CUX1: variants seen among roughly 807,000 people sequenced by gnomAD.
CUX1 encodes cut like homeobox 1.
A neutral mutation model predicts 158.8 loss-of-function variants in CUX1; 31 were observed. That is an observed-to-expected ratio of 0.20 (90% CI 0.15 to 0.26). CUX1 has a LOEUF of 0.26. CUX1 is among the 10% of genes least tolerant of loss of function. CUX1 has a pLI of 1.00. For synonymous variants in CUX1, 879 were observed against 862.1 expected (o/e 1.02, Z -0.34); for missense variants, 1,589 against 2,014.6 (o/e 0.79, Z 4.04).
chr7:102,029,094 G>C (rs1156381161), intron 3 of CUX1, among the ~76,000 whole-genome samples: 1 of 148,800 alleles, frequency 6.7e-6, no homozygotes, highest in East Asian at 2.1e-4. Context: ...CCAGGTTCAA[G>C]TGATTCTCCT....
At chr7:102,276,601 A>C (rs1252870829) in intron 17 of CUX1, among the ~76,000 whole-genome samples, 1 of 152,162 alleles carries the variant, frequency 6.6e-6, no homozygotes, top group Non-Finnish European at 1.5e-5. Flanking sequence ...CGCGCTGGCC[A>C]CTGCTTGAAT....
chr7:102,183,607 GCCC>G (rs1259058101), intron 11 of CUX1, among the ~76,000 whole-genome samples: 1 of 152,150 alleles, frequency 6.6e-6, no homozygotes, highest in Non-Finnish European at 1.5e-5. Flanking sequence ...GGTGCATGCT[GCCC>G]AGGCCTGGAC....
intron 14 of CUX1, among the ~76,000 whole-genome samples, chr7:102,266,074 C>G (rs112851916): frequency 7.2e-5 from 11 of 151,892 alleles, no homozygotes; most frequent in Admixed American, 2.0e-4. Context: ...CGTGGTGGTT[C>G]ATGCTTGTAG....
intron 2 of CUX1, among the ~76,000 whole-genome samples, chr7:101,918,745 C>G (rs1259065554): frequency 1.3e-5 from 2 of 152,262 alleles, no homozygotes; most frequent in East Asian, 3.8e-4. Flanking sequence ...GTGCCAGCAG[C>G]CAGAGCTTCC....
intron 1 of CUX1, among the ~76,000 whole-genome samples, chr7:101,886,782 C>G (rs1352312844): frequency 6.6e-6 from 1 of 152,092 alleles, no homozygotes; most frequent in Non-Finnish European, 1.5e-5. Flanking sequence ...GGAGGCTGGG[C>G]ACGGCCACCT....
Position 102,250,987 on chromosome 7 carries a change from T to G in CUX1, c.*1945T>G, listed in dbSNP as rs1365212799. ...GTATATATATATATTTTTTTTTGCT[T>G]ATTTATAGGTGCTGTATTTTATTAT... On this transcript the variant is annotated 3_prime_UTR_variant, in exon 24 of 24. Coordinates refer to ENST00000292535, the MANE Select transcript of CUX1 (RefSeq NM_181552.4). The G allele has an allele frequency of 1.0e-6, 1 of 960,348 alleles. No homozygotes were observed. Among genetic ancestry groups the G allele is most frequent in the African/African-American group, 1.8e-5 (1 of 56,634 alleles). 59.5% of individuals were successfully genotyped at this position (960,348 alleles called of 1,614,324 possible).
chr7:102,014,845 A>G (rs1455025507), intron 2 of CUX1, among the ~76,000 whole-genome samples: 1 of 143,690 alleles, frequency 7.0e-6, no homozygotes, highest in Admixed American at 7.0e-5. Context: ...GCTCTGTAGT[A>G]TCCCCCAACC....
At chr7:102,218,402 G>T (rs1291484735) in intron 20 of CUX1, among the ~76,000 whole-genome samples, 6 of 152,196 alleles carry the variant, frequency 3.9e-5, no homozygotes, top group African/African-American at 1.4e-4. Flanking sequence ...TTTTCTTTGG[G>T]GCCAGATATG....
At chr7:101,951,478 T>G (rs1809047504) in intron 2 of CUX1, among the ~76,000 whole-genome samples, 1 of 152,064 alleles carries the variant, frequency 6.6e-6, no homozygotes, top group Admixed American at 6.6e-5. Flanking sequence ...CCCAGTACCC[T>G]TCAAAACTCA....
intron 1 of CUX1, among the ~76,000 whole-genome samples, chr7:101,833,256 G>GAA (rs1346779668): frequency 6.6e-6 from 1 of 150,480 alleles, no homozygotes; most frequent in Non-Finnish European, 1.5e-5. Flanking sequence ...AAAAAGAAAA[G>GAA]AAAAGAAATT....
intron 1 of CUX1, among the ~76,000 whole-genome samples, chr7:101,821,050 T>TGC (rs1792416353): frequency 6.6e-6 from 1 of 152,168 alleles, no homozygotes; most frequent in Non-Finnish European, 1.5e-5. Flanking sequence ...TGTGTGTGTG[T>TGC]GCCGATAATG....
chr7:101,932,448 C>G, intron 2 of CUX1: 1 of 395,934 alleles, frequency 2.5e-6, no homozygotes, highest in South Asian at 1.8e-5. Flanking sequence ...TTCTTTTGCA[C>G]TTTTGCATTT....
chr7:101,991,667 G>A (rs867211439), intron 2 of CUX1, among the ~76,000 whole-genome samples: 56 of 151,904 alleles, frequency 3.7e-4, no homozygotes, highest in Admixed American at 2.0e-3. Context: ...GCTGAGGCAG[G>A]AGAATCACTT....
intron 6 of CUX1, among the ~76,000 whole-genome samples, chr7:102,109,790 AAAAAAAG>A (rs1453908323): frequency 1.3e-5 from 2 of 151,092 alleles, no homozygotes; most frequent in African/African-American, 2.5e-5. Context: ...CTCCAAAAAA[AAAAAAAG>A]AAAAAAGAAA....
At chr7:101,863,494 G>A (rs1041091774) in intron 1 of CUX1, among the ~76,000 whole-genome samples, 1 of 152,066 alleles carries the variant, frequency 6.6e-6, no homozygotes, top group African/African-American at 2.4e-5. Context: ...GGGATTATAG[G>A]CATGTGCCAC....
At chr7:101,840,122 A>G (rs574299636) in intron 1 of CUX1, among the ~76,000 whole-genome samples, 5 of 152,356 alleles carry the variant, frequency 3.3e-5, no homozygotes, top group Non-Finnish European at 5.9e-5. Context: ...TATAGAGGAA[A>G]CAATTGGTTT....
intron 23 of CUX1, among the ~76,000 whole-genome samples, chr7:102,242,356 C>T (rs368058): frequency 0.5 from 76,378 of 151,602 alleles, 20,897 homozygotes; most frequent in East Asian, 0.92. Context: ...ATTATAGGCA[C>T]CCACCACCAT....
upstream of CUX1, chr7:101,817,016 A>G (rs1278477153): frequency 3.1e-6 from 3 of 983,428 alleles, no homozygotes; most frequent in South Asian, 9.4e-5. This position sits in a 1 kb window ranked among gnomAD's most constrained non-coding sequence, Gnocchi z 4.1. Context: ...GGTGACGCGG[A>G]CCTGTTCCTC....
At chr7:101,988,562 C>G (rs562891723) in intron 2 of CUX1, among the ~76,000 whole-genome samples, 1 of 152,268 alleles carries the variant, frequency 6.6e-6, no homozygotes, top group East Asian at 1.9e-4. Context: ...CCTGGGCTGC[C>G]TTTCCACCTC....
Sources: gnomAD v4.1 joint callset for allele counts (sites outside exome capture counted in the v4.1 genomes callset) on GRCh38, gnomAD v4.1.1 for gene constraint, Gnocchi (gnomAD v3.1) non-coding constraint, MANE v1.5 for transcripts, NCBI Gene and HGNC (gene_info 2026-07-23, HGNC 2026-07-21) for gene names.